Variants in IKZF2 observed in about 807,000 individuals in gnomAD.
The protein encoded by IKZF2 is zinc finger protein Helios.
In IKZF2, 15 loss-of-function variants were observed where a neutral mutation model predicts 49.2. The observed-to-expected ratio is 0.30, with a 90% CI of 0.20 to 0.47. IKZF2 has a LOEUF of 0.47. IKZF2 is among the 20% of genes least tolerant of loss of function. The pLI, the probability that IKZF2 is intolerant of heterozygous loss-of-function variation, is 1.00. For missense variants in IKZF2, 567 were observed against 664.6 expected (o/e 0.85, Z 1.61); for synonymous variants, 227 against 221.4 (o/e 1.03, Z -0.23).
rs1700503836 is a variant in IKZF2, at chr2:213,049,737, T to C, written c.550A>G (p.Thr184Ala). 1 of 1,607,484 alleles carries C rather than the reference T, an allele frequency of 6.2e-7. No homozygotes were observed. Among genetic ancestry groups the C allele is most frequent in the Non-Finnish European group, 8.5e-7 (1 of 1,176,030 alleles). ...SYACRRRDAL[T>A]GHLRTHSVGK... ...CCAGAATGGGTCCTGAGGTGTCCTG[T>C]GAGGGCGTCCCTTCTTCTACAGGCG... Residue 184 changes from threonine to alanine, a missense_variant, in exon 6 of 9, where the codon ACA (threonine) becomes GCA (alanine). By Grantham distance (58) the Thr-to-Ala change is moderately conservative (BLOSUM62 0). Around this residue, in one of 5 missense-constraint regions of IKZF2, gnomAD observed 54 missense variants for 119.9 expected, o/e 0.45. Transcript: ENST00000434687.
chr2:213,011,347 A>C (rs1233423644), intron 8 of IKZF2, among the ~76,000 whole-genome samples: 2 of 152,010 alleles, frequency 1.3e-5, no homozygotes, highest in Non-Finnish European at 2.9e-5. Flanking sequence ...GGAAATGCCC[A>C]ATAGAGGGGA....
At chr2:213,147,410 A>C (rs2061113569) in intron 4 of IKZF2, 2 of 543,742 alleles carry the variant, frequency 3.7e-6, no homozygotes, top group African/African-American at 3.8e-5. Context: ...ACAACAACAA[A>C]AAATCCAGTC....
intron 4 of IKZF2, among the ~76,000 whole-genome samples, chr2:213,127,381 CT>C (rs565709875): frequency 7.6e-4 from 115 of 152,282 alleles, no homozygotes; most frequent in Admixed American, 2.5e-3. Flanking sequence ...ACATAGTTCT[CT>C]TTCTAAATCC....
chr2:213,104,326 G>A (rs897953974), intron 4 of IKZF2, among the ~76,000 whole-genome samples: 3 of 151,844 alleles, frequency 2.0e-5, no homozygotes, highest in Admixed American at 6.6e-5. Flanking sequence ...ACAGGGCAGA[G>A]GCAAGGGGTT....
chr2:213,063,320 T>C (rs181326235), intron 4 of IKZF2, among the ~76,000 whole-genome samples: 2 of 152,144 alleles, frequency 1.3e-5, no homozygotes, highest in East Asian at 1.9e-4. Flanking sequence ...TCTGAAATAC[T>C]GTTATTATTC....
chr2:213,129,574 G>T (rs1414575659), intron 4 of IKZF2, among the ~76,000 whole-genome samples: 1 of 151,926 alleles, frequency 6.6e-6, no homozygotes, highest in Non-Finnish European at 1.5e-5. Context: ...ACAGCCTTTA[G>T]GACCTTACAG....
At chr2:213,120,134 C>A (rs983424474) in intron 4 of IKZF2, among the ~76,000 whole-genome samples, 7 of 152,178 alleles carry the variant, frequency 4.6e-5, no homozygotes, top group Non-Finnish European at 2.9e-5. Flanking sequence ...TACACCTATT[C>A]TCTGCCAGGT....
At chr2:213,016,198 A>G (rs942537349) in intron 7 of IKZF2, among the ~76,000 whole-genome samples, 4 of 152,128 alleles carry the variant, frequency 2.6e-5, no homozygotes, top group African/African-American at 7.2e-5. Context: ...AATTAATTTA[A>G]TTCATCCAGA....
At chr2:213,042,193 A>G (rs1699729754) in intron 6 of IKZF2, among the ~76,000 whole-genome samples, 1 of 147,392 alleles carries the variant, frequency 6.8e-6, no homozygotes, top group South Asian at 2.3e-4. Context: ...TATAGAATAA[A>G]CATACGAGCT....
chr2:213,032,263 T>C (rs779818628), intron 6 of IKZF2, among the ~76,000 whole-genome samples: 1 of 152,192 alleles, frequency 6.6e-6, no homozygotes, highest in Non-Finnish European at 1.5e-5. Context: ...CACTGGCATA[T>C]CTTGGAGATA....
In IKZF2 at chr2:213,006,490, CCT is replaced by C. The variant is rs1460574451; in HGVS notation, c.*868_*869del. 6.6e-6 allele frequency: 1 copy of C among 152,362 alleles called. No homozygotes were observed. The highest frequency in any genetic ancestry group is 1.5e-5 in the Non-Finnish European group (1 of 67,960). 9.4% of individuals were successfully genotyped at this position (152,362 alleles called of 1,614,324 possible). ...ATCACATTACAACTTTAAAAGAAAA[CCT>C]CTCAAACAAATTTATGAAAGTAGAA... On this transcript the variant is annotated 3_prime_UTR_variant, in exon 9 of 9. Coordinates refer to ENST00000434687, the MANE Select transcript of IKZF2 (RefSeq NM_001387220.1).
chr2:213,036,806 G>A (rs983710556), intron 6 of IKZF2, among the ~76,000 whole-genome samples: 4 of 152,090 alleles, frequency 2.6e-5, no homozygotes, highest in Non-Finnish European at 4.4e-5. Context: ...CCATTTGAGA[G>A]TTTTCTTACA....
intron 4 of IKZF2, among the ~76,000 whole-genome samples, chr2:213,075,754 T>A (rs983596138): frequency 6.6e-6 from 1 of 152,134 alleles, no homozygotes; most frequent in Non-Finnish European, 1.5e-5. Flanking sequence ...TTAACCATCC[T>A]CGTTTGGGTG....
intron 4 of IKZF2, among the ~76,000 whole-genome samples, chr2:213,133,205 G>T (rs2060530332): frequency 6.6e-6 from 1 of 151,932 alleles, no homozygotes; most frequent in African/African-American, 2.4e-5. Flanking sequence ...CTATCATTCT[G>T]GCTAACTTAC....
chr2:213,105,581 G>A (rs1026661485), intron 4 of IKZF2, among the ~76,000 whole-genome samples: 1 of 148,832 alleles, frequency 6.7e-6, no homozygotes, highest in Non-Finnish European at 1.5e-5. Flanking sequence ...TGTAGTGTGT[G>A]GGGGGGGAAG....
chr2:213,142,097 C>T (rs1205957644), intron 4 of IKZF2, among the ~76,000 whole-genome samples: 5 of 151,866 alleles, frequency 3.3e-5, no homozygotes, highest in Non-Finnish European at 5.9e-5. Context: ...GAATAGGTTA[C>T]TCTATTAAGG....
At chr2:213,076,678 A>C (rs1016263129) in intron 4 of IKZF2, among the ~76,000 whole-genome samples, 23 of 152,200 alleles carry the variant, frequency 1.5e-4, no homozygotes, top group African/African-American at 5.5e-4. Flanking sequence ...ATTTATCTTC[A>C]ATTGTTTAGG....
intron 4 of IKZF2, among the ~76,000 whole-genome samples, chr2:213,144,759 C>T (rs1339682462): frequency 6.6e-6 from 1 of 151,854 alleles, no homozygotes; most frequent in Non-Finnish European, 1.5e-5. Flanking sequence ...ACAAAGACAT[C>T]CTCATTCCAG....
intron 4 of IKZF2, among the ~76,000 whole-genome samples, chr2:213,097,149 A>C (rs535197650): frequency 6.6e-6 from 1 of 152,088 alleles, no homozygotes; most frequent in South Asian, 2.1e-4. Context: ...TAATGAGATA[A>C]TTAATTAGCT....
Sources: allele counts gnomAD v4.1 joint callset (sites outside exome capture counted in the v4.1 genomes callset), GRCh38; gene constraint gnomAD v4.1.1; regional missense constraint gnomAD v4.1.1; transcripts MANE v1.5; gene names NCBI Gene and HGNC (gene_info 2026-07-23, HGNC 2026-07-21).